The following PTPRD variants were observed in gnomAD, a reference collection of about 807,000 sequenced individuals.
The protein encoded by PTPRD is receptor-type tyrosine-protein phosphatase delta.
Under a neutral mutation model 214.5 loss-of-function variants are expected in PTPRD, and 34 were observed. The observed-to-expected ratio is 0.16, with a 90% CI of 0.12 to 0.21. The LOEUF is 0.21. Ranked by LOEUF, PTPRD falls within the 10% of genes least tolerant of loss-of-function variation. The pLI is 1.00. For missense variants in PTPRD, 2,545 were observed against 2,398.7 expected (o/e 1.06, Z -1.27); for synonymous variants, 1,128 against 845.7 (o/e 1.33, Z -5.79).
chr9:8,971,990 C>CTT (rs2099241258), intron 11 of PTPRD, among the ~76,000 whole-genome samples: 1 of 151,704 alleles, frequency 6.6e-6, no homozygotes, highest in Non-Finnish European at 1.5e-5. Flanking sequence ...TTTAAATACT[C>CTT]TTATCACAAA....
At chr9:8,373,997 C>T (rs2082444618) in intron 39 of PTPRD, among the ~76,000 whole-genome samples, 1 of 151,276 alleles carries the variant, frequency 6.6e-6, no homozygotes, top group Non-Finnish European at 1.5e-5. Flanking sequence ...AGCACAGATT[C>T]TGTATTTTGA....
At chr9:10,176,593 T>G (rs2099250018) in intron 3 of PTPRD, among the ~76,000 whole-genome samples, 3 of 152,006 alleles carry the variant, frequency 2.0e-5, no homozygotes, top group South Asian at 4.1e-4. Context: ...AAGGTTATCT[T>G]GAACAAAGGT....
chr9:10,560,972 G>A (rs1191387186), intron 2 of PTPRD, among the ~76,000 whole-genome samples: 1 of 152,164 alleles, frequency 6.6e-6, no homozygotes, highest in African/African-American at 2.4e-5. Flanking sequence ...TGGGTGAATT[G>A]GGTGGGGAGA....
intron 2 of PTPRD, among the ~76,000 whole-genome samples, chr9:10,590,368 T>G: frequency 6.6e-6 from 1 of 152,026 alleles, no homozygotes; most frequent in Non-Finnish European, 1.5e-5. Flanking sequence ...CTATTTTAAA[T>G]GAGCAGTTTT....
chr9:9,803,933 C>T (rs2099057489), intron 5 of PTPRD: 1 of 151,994 alleles, frequency 6.6e-6, no homozygotes, highest in Non-Finnish European at 1.5e-5. Flanking sequence ...TTCACTATCT[C>T]ACTAGAAGTT....
At chr9:9,636,580 A>G (rs2095776262) in intron 7 of PTPRD, among the ~76,000 whole-genome samples, 1 of 152,206 alleles carries the variant, frequency 6.6e-6, no homozygotes, top group African/African-American at 2.4e-5. Flanking sequence ...CACCACATCT[A>G]TGATAGACAC....
At chr9:10,134,776 G>A (rs1441497887) in intron 3 of PTPRD, among the ~76,000 whole-genome samples, 1 of 152,098 alleles carries the variant, frequency 6.6e-6, no homozygotes, top group Non-Finnish European at 1.5e-5. Flanking sequence ...CTCAGATGAG[G>A]AAGAATTAGT....
chr9:10,211,674 A>G (rs1332351089), intron 3 of PTPRD, among the ~76,000 whole-genome samples: 1 of 152,182 alleles, frequency 6.6e-6, no homozygotes, highest in Non-Finnish European at 1.5e-5. Flanking sequence ...TGTGGCTACT[A>G]CCTTAAGGGA....
chr9:10,347,037 T>A (rs1002572225), intron 2 of PTPRD, among the ~76,000 whole-genome samples: 5 of 152,084 alleles, frequency 3.3e-5, no homozygotes, highest in African/African-American at 1.2e-4. Flanking sequence ...GGAAAAAAAA[T>A]AAAAATTATC....
chr9:10,030,480 A>G (rs2097037999), intron 4 of PTPRD, among the ~76,000 whole-genome samples: 1 of 152,198 alleles, frequency 6.6e-6, no homozygotes, highest in East Asian at 1.9e-4. Flanking sequence ...ATCACGAGAT[A>G]GAAATGACCC....
chr9:9,392,284 T>G (rs1423308266), intron 9 of PTPRD, among the ~76,000 whole-genome samples: 2 of 152,168 alleles, frequency 1.3e-5, no homozygotes, highest in African/African-American at 4.8e-5. Flanking sequence ...ACAGGCCCAT[T>G]GGGTCATAAA....
chr9:8,611,485 G>T (rs1363092465), intron 14 of PTPRD, among the ~76,000 whole-genome samples: 1 of 152,088 alleles, frequency 6.6e-6, no homozygotes, highest in Non-Finnish European at 1.5e-5. Flanking sequence ...AAGGTGAATT[G>T]CTTGAGCCCA....
At chr9:9,304,664 G>T (rs969512125) in intron 9 of PTPRD, among the ~76,000 whole-genome samples, 1 of 150,888 alleles carries the variant, frequency 6.6e-6, no homozygotes, top group Non-Finnish European at 1.5e-5. Flanking sequence ...AGTTTCTCTA[G>T]ATTATATATT....
chr9:8,822,751 C>A (rs2097096555), intron 11 of PTPRD, among the ~76,000 whole-genome samples: 1 of 152,064 alleles, frequency 6.6e-6, no homozygotes, highest in African/African-American at 2.4e-5. Flanking sequence ...GCAATTTGCC[C>A]AAGGTCCCGC....
chr9:9,128,554 A>G (rs1265702082), intron 10 of PTPRD, among the ~76,000 whole-genome samples: 1 of 152,236 alleles, frequency 6.6e-6, no homozygotes, highest in Non-Finnish European at 1.5e-5. Context: ...GAAGTTAGCT[A>G]GCACAAACAG....
At chr9:10,279,616 C>A (rs180990282) in intron 3 of PTPRD, among the ~76,000 whole-genome samples, 2 of 151,668 alleles carry the variant, frequency 1.3e-5, no homozygotes, top group African/African-American at 4.8e-5. Context: ...CGTGTCTACT[C>A]AACCTTCATT....
chr9:8,474,451 C>T (rs1276407558), intron 30 of PTPRD, among the ~76,000 whole-genome samples: 1 of 152,196 alleles, frequency 6.6e-6, no homozygotes, highest in Non-Finnish European at 1.5e-5. Context: ...CTCCACTCTA[C>T]CTTAGCTGAA....
intron 3 of PTPRD, among the ~76,000 whole-genome samples, chr9:10,263,987 G>A (rs947572513): frequency 2.6e-5 from 4 of 152,176 alleles, no homozygotes; most frequent in African/African-American, 9.7e-5. Flanking sequence ...GGCTTCAGAG[G>A]GTGCAAGCCC....
chr9:9,493,459 A>T (rs925392415), intron 8 of PTPRD, among the ~76,000 whole-genome samples: 5 of 152,212 alleles, frequency 3.3e-5, no homozygotes, highest in African/African-American at 9.6e-5. Context: ...CATGGATCAA[A>T]GAGTAACTTT....
Sources: allele counts gnomAD v4.1 joint callset (sites outside exome capture counted in the v4.1 genomes callset), GRCh38; gene constraint gnomAD v4.1.1; transcripts MANE v1.5; gene names NCBI Gene and HGNC (gene_info 2026-07-23, HGNC 2026-07-21).